Variants in SNX29 observed in about 807,000 individuals in gnomAD.
SNX29 encodes the protein sorting nexin 29, also known as sorting nexin-29.
Under a neutral mutation model 102.1 loss-of-function variants are expected in SNX29, and 78 were observed. The ratio of observed to expected loss-of-function variants is 0.76; its 90% CI spans 0.64 to 0.92. The LOEUF is 0.92. SNX29 is among the 40% of genes least tolerant of loss of function. The pLI, the probability that SNX29 is intolerant of heterozygous loss-of-function variation, is 0.00. For synonymous variants in SNX29, 580 were observed against 414.5 expected, an observed-to-expected ratio of 1.40 and a Z score of -4.85; for missense variants, 1,280 against 1,061.7, an observed-to-expected ratio of 1.21 and a Z score of -2.86.
chr16:12,299,103 C>T (rs1412746118), intron 15 of SNX29, among the ~76,000 whole-genome samples: 1 of 151,962 alleles, frequency 6.6e-6, no homozygotes, highest in African/African-American at 2.4e-5. Context: ...AGTTCGAGAC[C>T]CACCTGGCCA....
chr16:12,137,318 C>G (rs2054700182), intron 13 of SNX29, among the ~76,000 whole-genome samples: 1 of 152,196 alleles, frequency 6.6e-6, no homozygotes, highest in African/African-American at 2.4e-5. Flanking sequence ...GCCAGAATCT[C>G]TTGGGCCCTT....
At chr16:12,378,312 A>G (rs1387957001) in intron 16 of SNX29, among the ~76,000 whole-genome samples, 1 of 152,146 alleles carries the variant, frequency 6.6e-6, no homozygotes, top group Admixed American at 6.5e-5. Context: ...TGAAAGCAAG[A>G]GAGTGGGGAG....
chr16:12,543,502 G>T (rs138517542), intron 20 of SNX29, among the ~76,000 whole-genome samples: 1 of 152,162 alleles, frequency 6.6e-6, no homozygotes, highest in Non-Finnish European at 1.5e-5. Flanking sequence ...CTGTGCTGGC[G>T]AGTCATTGTG....
chr16:12,303,191 GT>G (rs5815680), intron 15 of SNX29, among the ~76,000 whole-genome samples: 6,143 of 151,902 alleles, frequency 0.04, 218 homozygotes, highest in African/African-American at 0.093. Flanking sequence ...AGTTGCTTTT[GT>G]TTTTTTTAAA....
intron 13 of SNX29, among the ~76,000 whole-genome samples, chr16:12,141,321 GTTAGTA>G (rs1347250226): frequency 6.6e-6 from 1 of 152,248 alleles, no homozygotes; most frequent in East Asian, 1.9e-4. Context: ...TTTCAGGACA[GTTAGTA>G]TCCTCGGCTC....
At chr16:12,496,529 T>TTTTTTA (rs1384093862) in intron 19 of SNX29, among the ~76,000 whole-genome samples, 7 of 139,772 alleles carry the variant, frequency 5.0e-5, no homozygotes, top group African/African-American at 1.8e-4. Context: ...TTTTTTTTTT[T>TTTTTTA]AAACCTAGTC....
intron 18 of SNX29, among the ~76,000 whole-genome samples, chr16:12,440,770 C>T (rs1023326911): frequency 6.6e-6 from 1 of 152,154 alleles, no homozygotes; most frequent in Non-Finnish European, 1.5e-5. Flanking sequence ...AGGACATGAT[C>T]TCGTTCTGTT....
At chr16:12,526,801 G>C (rs1287648817) in intron 20 of SNX29, 5 of 412,236 alleles carry the variant, frequency 1.2e-5, no homozygotes, top group Admixed American at 4.0e-5. Flanking sequence ...GGGGTCCACA[G>C]CCCAGGCATC....
intron 15 of SNX29, among the ~76,000 whole-genome samples, chr16:12,278,947 T>C (rs968482813): frequency 5.9e-5 from 9 of 152,208 alleles, no homozygotes; most frequent in African/African-American, 2.2e-4. Flanking sequence ...TATAACCTTA[T>C]TGATACCTGA....
intron 18 of SNX29, among the ~76,000 whole-genome samples, chr16:12,431,206 T>C (rs2085299470): frequency 6.6e-6 from 1 of 151,474 alleles, no homozygotes; most frequent in Non-Finnish European, 1.5e-5. Context: ...CCCTGTGAGC[T>C]CTCCCAGGCC....
At chr16:12,180,786 G>T (rs1004086790) in intron 13 of SNX29, among the ~76,000 whole-genome samples, 3 of 152,104 alleles carry the variant, frequency 2.0e-5, no homozygotes, top group Non-Finnish European at 2.9e-5. Flanking sequence ...CGCCTGGCCC[G>T]TTGCTTCTCT....
At chr16:12,220,324 A>AAGGGAGGG (rs142734328) in intron 14 of SNX29, among the ~76,000 whole-genome samples, 1 of 113,832 alleles carries the variant, frequency 8.8e-6, no homozygotes, top group South Asian at 3.4e-4. Context: ...GGGAGGGAGG[A>AAGGGAGGG]AGGGAGGGAG....
chr16:12,310,045 T>C (rs1233169840), intron 15 of SNX29, among the ~76,000 whole-genome samples: 2 of 150,654 alleles, frequency 1.3e-5, no homozygotes, highest in African/African-American at 4.9e-5. Flanking sequence ...TGTGCACACA[T>C]ATGTACACAC....
At chr16:12,294,208 A>G (rs1157619707) in intron 15 of SNX29, among the ~76,000 whole-genome samples, 1 of 152,116 alleles carries the variant, frequency 6.6e-6, no homozygotes, top group African/African-American at 2.4e-5. Context: ...GGGAATCATC[A>G]TTTCCAATGT....
chr16:12,389,487 C>T (rs781717266), intron 16 of SNX29, among the ~76,000 whole-genome samples: 1 of 152,194 alleles, frequency 6.6e-6, no homozygotes, highest in Admixed American at 6.5e-5. Flanking sequence ...TAAGATGTGA[C>T]TTGCTCTTCC....
At chr16:11,985,780 G>T (rs981607879) in intron 1 of SNX29, among the ~76,000 whole-genome samples, 5 of 152,072 alleles carry the variant, frequency 3.3e-5, no homozygotes, top group African/African-American at 4.8e-5. Context: ...CCTGAGGCAG[G>T]TGGCTCCTAG....
At chr16:12,536,559 C>A (rs1446792456) in intron 20 of SNX29, among the ~76,000 whole-genome samples, 1 of 152,168 alleles carries the variant, frequency 6.6e-6, no homozygotes, top group East Asian at 1.9e-4. Flanking sequence ...TAGCCCCTAC[C>A]TCAGAAAGTT....
At chr16:12,191,433 T>C (rs527914987) in intron 13 of SNX29, among the ~76,000 whole-genome samples, 12 of 152,292 alleles carry the variant, frequency 7.9e-5, no homozygotes, top group African/African-American at 2.9e-4. Context: ...CCTCTGTAGG[T>C]ATCTCAGCCT....
At chr16:12,244,336 C>T (rs760839633) in intron 14 of SNX29, among the ~76,000 whole-genome samples, 13 of 152,134 alleles carry the variant, frequency 8.5e-5, no homozygotes, top group Non-Finnish European at 1.3e-4. Flanking sequence ...AAGCCAGGCA[C>T]GATGGTTCAC....
Sources: gnomAD v4.1 joint callset for allele counts (sites outside exome capture counted in the v4.1 genomes callset) on GRCh38, gnomAD v4.1.1 for gene constraint, MANE v1.5 for transcripts, NCBI Gene and HGNC (gene_info 2026-07-23, HGNC 2026-07-21) for gene names.